The following GPBP1L1 variants were observed in gnomAD, a reference collection of about 807,000 sequenced individuals.
GPBP1L1 encodes GC-rich promoter binding protein 1 like 1, also known as vasculin-like protein 1.
In GPBP1L1, 23 loss-of-function variants were observed where a neutral mutation model predicts 52.5. The observed-to-expected ratio is 0.44, with a 90% CI of 0.32 to 0.62. GPBP1L1 has a LOEUF of 0.62. GPBP1L1 is among the 20% of genes least tolerant of loss of function. GPBP1L1 has a pLI of 0.06. For missense variants in GPBP1L1, 596 were observed against 579.3 expected, an observed-to-expected ratio of 1.03 and a Z score of -0.30; for synonymous variants, 243 against 203.1, an observed-to-expected ratio of 1.20 and a Z score of -1.67.
At chr1:45,655,786 A>AC (rs1361136602) in intron 4 of GPBP1L1, 1 of 154,838 alleles carries the variant, frequency 6.5e-6, no homozygotes, top group African/African-American at 2.4e-5. Context: ...TTAAAAAAAA[A>AC]AAAGAGATGA....
chr1:45,640,411 G>GT lies in GPBP1L1; in HGVS notation c.551-9dup. The GT allele has an allele frequency of 1.2e-6, 2 of 1,610,094 alleles. No individual in the cohort carries two copies. The highest frequency in any genetic ancestry group is 1.7e-6 in the Non-Finnish European group (2 of 1,177,248). On this transcript the variant is annotated splice_polypyrimidine_tract_variant and intron_variant, in intron 7 of 12. Coordinates refer to ENST00000355105, the MANE Select transcript of GPBP1L1 (RefSeq NM_021639.5). ...TGGCACTAGGCGGGTTTTCTGTGAA[G>GT]TACAAGAGTGGAGAGACAACAGAAT...
chr1:45,640,498 T>C (rs1047424917), intron 7 of GPBP1L1, 95 bp from the exon 8 acceptor site: 59 of 972,316 alleles, frequency 6.1e-5, no homozygotes, highest in Non-Finnish European at 8.8e-5. Flanking sequence ...ACAAAACAGC[T>C]GACAGTTGAG....
chr1:45,665,481 T>C (rs1354097833), intron 2 of GPBP1L1, among the ~76,000 whole-genome samples: 1 of 152,050 alleles, frequency 6.6e-6, no homozygotes, highest in Non-Finnish European at 1.5e-5. Context: ...CCAAGCGCGG[T>C]GGCTCACACT....
At chr1:45,653,856 G>A (rs1007331167) in intron 6 of GPBP1L1, among the ~76,000 whole-genome samples, 19 of 151,676 alleles carry the variant, frequency 1.3e-4, no homozygotes, top group African/African-American at 4.6e-4. Flanking sequence ...TTGCCACCAA[G>A]CCCAGCTAAT....
chr1:45,661,122 G>A lies in GPBP1L1; in HGVS notation c.-994C>T, dbSNP rs983926369. 1 of 152,180 alleles carries A rather than the reference G, an allele frequency of 6.6e-6. No individual in the cohort carries two copies. Among genetic ancestry groups the A allele is most frequent in the Non-Finnish European group, 1.5e-5 (1 of 68,032 alleles). The allele number at this position is 152,180 out of a possible 1,614,324, so 9.4% of individuals were successfully genotyped here. On this transcript the variant is annotated 5_prime_UTR_variant, in exon 3 of 13. Transcript: ENST00000355105. ...AAAATCTAAATTGAGCCACTGGAAG[G>A]AGATATGAAGAATCTTCTATGCTTT...
At chr1:45,642,590 T>C in intron 6 of GPBP1L1, 91 bp from the exon 7 acceptor site, 1 of 870,726 alleles carries the variant, frequency 1.1e-6, no homozygotes. Flanking sequence ...ACCTATCAAA[T>C]AATTACATAT....
chr1:45,685,939 G>A (rs946382005), intron 1 of GPBP1L1, among the ~76,000 whole-genome samples: 1 of 152,046 alleles, frequency 6.6e-6, no homozygotes, highest in Non-Finnish European at 1.5e-5. Context: ...GGAAAGCTGG[G>A]GGTTAAAACT....
chr1:45,676,789 G>T (rs1370095560), intron 2 of GPBP1L1, among the ~76,000 whole-genome samples: 6 of 151,822 alleles, frequency 4.0e-5, no homozygotes, highest in South Asian at 2.1e-4. Flanking sequence ...TGAAGTGGGA[G>T]GATCCCTTGA....
intron 6 of GPBP1L1, among the ~76,000 whole-genome samples, chr1:45,647,067 A>G (rs1644757369): frequency 7.0e-6 from 1 of 143,064 alleles, no homozygotes; most frequent in South Asian, 2.2e-4. Flanking sequence ...ATTCTTCAGT[A>G]TTTTTCTGAA....
At chr1:45,655,894 G>C (rs546133222) in intron 4 of GPBP1L1, 16 of 152,882 alleles carry the variant, frequency 1.0e-4, no homozygotes, top group Admixed American at 1.0e-3. Context: ...CTCGGCCTAT[G>C]GAGTAGCTAG....
intron 6 of GPBP1L1, among the ~76,000 whole-genome samples, chr1:45,642,864 G>A (rs1366357799): frequency 6.6e-6 from 1 of 152,172 alleles, no homozygotes; most frequent in Non-Finnish European, 1.5e-5. Context: ...CAGATTAAAG[G>A]AGGACAATGT....
At chr1:45,669,390 G>A (rs1645047910) in intron 2 of GPBP1L1, among the ~76,000 whole-genome samples, 1 of 152,194 alleles carries the variant, frequency 6.6e-6, no homozygotes, top group Admixed American at 6.5e-5. Context: ...GCCTCAAGGG[G>A]CCCTTCTGCC....
At chr1:45,658,472 T>C (rs1644909403) in intron 4 of GPBP1L1, among the ~76,000 whole-genome samples, 2 of 152,024 alleles carry the variant, frequency 1.3e-5, no homozygotes, top group African/African-American at 4.8e-5. Flanking sequence ...AAAAGTGAGA[T>C]ACTTAAAAAA....
At chr1:45,642,534 A>G (rs1644687577) in intron 6 of GPBP1L1, 35 bp from the exon 7 acceptor site, 1 of 1,553,352 alleles carries the variant, frequency 6.4e-7, no homozygotes, top group African/African-American at 1.4e-5. Flanking sequence ...TTGATACAGA[A>G]AGCTGATCAT....
intron 7 of GPBP1L1, chr1:45,641,814 CAAAAAAAAAAA>C (rs555061692): frequency 2.5e-5 from 2 of 80,544 alleles, no homozygotes; most frequent in Non-Finnish European, 4.6e-5. Flanking sequence ...GACTCCATCT[CAAAAAAAAAAA>C]AAAAAAAAAG....
In GPBP1L1 at chr1:45,640,342, C is replaced by A; in HGVS notation, c.612G>T (p.Glu204Asp). The change falls in exon 8 of 13, where the codon GAG becomes GAT. Residue 204 changes from glutamate (E) to aspartate (D), a missense_variant. Coordinates refer to ENST00000355105, the MANE Select transcript of GPBP1L1 (RefSeq NM_021639.5). ...KMLVIKKVSK[E>D]DPAAAFSAAF... ...CAGCAGAGAAGGCAGCAGCAGGATC[C>A]TCTTTGGAAACTTTTTTGATAACTA... 9 of 1,614,146 alleles carry A rather than the reference C, an allele frequency of 5.6e-6. No homozygotes were observed. The highest frequency in any genetic ancestry group is 7.6e-6 in the Non-Finnish European group (9 of 1,180,008).
At position 45,661,161 on chromosome 1, in the gene GPBP1L1, CTTA is replaced by C. The variant is rs1387594652; in HGVS notation, c.-1036_-1034del. On this transcript the variant is annotated 5_prime_UTR_variant, in exon 3 of 13. Transcript: ENST00000355105. ...CTTCTATGCTTTGGTAGAGAAGTCA[CTTA>C]TTATTTTGGATCCATTTCCACCACT... The C allele has an allele frequency of 6.6e-6, 1 of 152,188 alleles. No homozygotes were observed. The highest frequency in any genetic ancestry group is 1.9e-4 in the East Asian group (1 of 5,208). 9.4% of individuals were successfully genotyped at this position (152,188 alleles called of 1,614,324 possible). A position where few individuals can be genotyped will look rare whatever the true frequency, so the allele number is the denominator to read the frequency against.
At chr1:45,664,990 T>A (rs1344812544) in intron 2 of GPBP1L1, among the ~76,000 whole-genome samples, 3 of 150,946 alleles carry the variant, frequency 2.0e-5, no homozygotes, top group Non-Finnish European at 4.4e-5. Flanking sequence ...ATAGAACTGT[T>A]AAAAAAGATG....
chr1:45,687,408 G>A (rs1197544568), upstream of GPBP1L1: 1 of 152,364 alleles, frequency 6.6e-6, no homozygotes, highest in Non-Finnish European at 1.5e-5. Flanking sequence ...AAGCTAAACC[G>A]TGTAATGGCT....
Sources: gnomAD v4.1 joint callset for allele counts (sites outside exome capture counted in the v4.1 genomes callset) on GRCh38, gnomAD v4.1.1 for gene constraint, MANE v1.5 for transcripts, NCBI Gene and HGNC (gene_info 2026-07-23, HGNC 2026-07-21) for gene names.